Variants in ENPEP observed in about 807,000 individuals in gnomAD.
ENPEP encodes the protein AP-A.
In ENPEP, 103 loss-of-function variants were observed where a neutral mutation model predicts 114.5. That is an observed-to-expected ratio of 0.90 (90% CI 0.77 to 1.06). The LOEUF (loss-of-function observed/expected upper bound fraction) is 1.06. Among genes scored for constraint, ENPEP ranks in the 50% least tolerant of loss-of-function variants. The probability of loss-of-function intolerance (pLI) is 0.00; values close to 1 mark genes in which losing one functional copy is unlikely to be tolerated. For synonymous variants in ENPEP, 420 were observed against 422.0 expected (o/e 1.00, Z 0.06); for missense variants, 1,196 against 1,161.3 (o/e 1.03, Z -0.43).
chr4:110,538,749 G>A lies in ENPEP; in HGVS notation c.1808-4002G>A, dbSNP rs566990410. Reference sequence around the variant, plus strand: ...TCATTTCTATATTTTAATTTAAAGTGAGAGATGTTTAACTCTTACTTTCAT... The same window carrying A: ...TCATTTCTATATTTTAATTTAAAGTAAGAGATGTTTAACTCTTACTTTCAT... On this transcript the variant is annotated intron_variant, in intron 11 of 19. Transcript: ENST00000265162. 2.0e-5 allele frequency among the ~76,000 whole-genome samples: 3 copies of A among 152,284 alleles called. No individual in the cohort carries two copies. The South Asian group carries it at 6.2e-4, about 32-fold the overall frequency.
chr4:110,476,696 G>A lies in ENPEP; in HGVS notation c.282G>A (p.Pro94=), dbSNP rs1399081217. 1.2e-6 allele frequency: 2 copies of A among 1,613,682 alleles called. No homozygotes were observed. Among genetic ancestry groups the A allele is most frequent in the Admixed American group, 3.3e-5 (2 of 60,008 alleles). Residue 94 remains proline, a synonymous_variant, in exon 1 of 20, where the codon CCG becomes CCA. Coordinates refer to ENST00000265162, the MANE Select transcript of ENPEP (RefSeq NM_001977.4). ...GACAGTGGAAAAACTTTCGACTGCC[G>A]GACTTCGTCAACCCAGTCCACTACG... ...ESGQWKNFRL[P]DFVNPVHYDL...
At chr4:110,559,785 A>C (rs1727617484) in intron 19 of ENPEP, 60 bp downstream of exon 19, 1 of 1,413,260 alleles carries the variant, frequency 7.1e-7, no homozygotes, top group Non-Finnish European at 9.9e-7. Context: ...CTTTTTTAAA[A>C]AAAATTTTAC....
rs1178325960 is a variant in ENPEP, at chr4:110,506,678, A to T, written c.960A>T (p.Glu320Asp). The part of the protein sequence containing the change: ...YVQPEQKHTA[E>D]YAANITKSVF... ...AGCCAGAGCAAAAGCACACAGCCGA[A>T]TATGCTGCAAACATAACTAAAAGTG... Residue 320 changes from glutamate (E) to aspartate (D), a missense_variant, in exon 4 of 20, where the codon GAA becomes GAT. Physicochemically the swap from Glu to Asp is conservative, Grantham distance 45. Coordinates refer to ENST00000265162, the MANE Select transcript of ENPEP (RefSeq NM_001977.4). The T allele has an allele frequency of 6.2e-7, 1 of 1,612,734 alleles. No individual in the cohort carries two copies. Among genetic ancestry groups the T allele is most frequent in the Non-Finnish European group, 8.5e-7 (1 of 1,179,308 alleles).
Position 110,565,213 on chromosome 4 carries a change from A to C in ENPEP, c.*3655A>C, listed in dbSNP as rs192630521. 2.6e-3 allele frequency: 399 copies of C among 152,326 alleles called. 1 individual carries two copies. The highest frequency in any genetic ancestry group is 9.0e-3 in the African/African-American group (376 of 41,556). The allele number at this position is 152,326 out of a possible 1,614,324, so 9.4% of individuals were successfully genotyped here. ...TTGAAAAAATCAAAAGGAGAATAAT[A>C]GTTCATGATGTAAAAATTATATAAA... On this transcript the variant is annotated 3_prime_UTR_variant, in exon 20 of 20. Transcript: ENST00000265162.
chr4:110,508,790 A>G (rs1157263197), intron 4 of ENPEP, among the ~76,000 whole-genome samples: 2 of 152,228 alleles, frequency 1.3e-5, no homozygotes, highest in African/African-American at 2.4e-5. Flanking sequence ...CAGTTTGGGC[A>G]ACAGAGCGAG....
At chr4:110,557,131 T>C (rs1727505238) in intron 18 of ENPEP, among the ~76,000 whole-genome samples, 1 of 152,040 alleles carries the variant, frequency 6.6e-6, no homozygotes, top group African/African-American at 2.4e-5. Context: ...GTTTAAGTGA[T>C]AGAGGGGTGG....
intron 11 of ENPEP, among the ~76,000 whole-genome samples, chr4:110,532,670 A>G (rs1222295640): frequency 2.0e-5 from 3 of 152,038 alleles, no homozygotes; most frequent in East Asian, 3.8e-4. Context: ...TTTTACTATT[A>G]CTACAAACTA....
chr4:110,554,601 A>G (rs963978829), intron 18 of ENPEP, among the ~76,000 whole-genome samples: 6 of 152,038 alleles, frequency 3.9e-5, no homozygotes, highest in African/African-American at 1.2e-4. Flanking sequence ...GATTGTTTAA[A>G]TGAAATGCTT....
Position 110,542,862 on chromosome 4 carries a change from C to T in ENPEP, c.1919C>T (p.Ala640Val). Residue 640 changes from alanine to valine, a missense_variant, in exon 12 of 20, where the codon GCT (alanine) becomes GTT (valine). Transcript: ENST00000265162. ...GAAGTAGCAACTTGGGACTCGATAG[C>T]TACAGCGCTCTCCTTGAACCACAAG... is the stretch of plus-strand genomic sequence containing the variant. Reference protein sequence around the residue: ...NYEVATWDSIATALSLNHKTF... With the variant: ...NYEVATWDSIVTALSLNHKTF... 3 of 1,613,098 alleles carry T rather than the reference C, an allele frequency of 1.9e-6. No individual in the cohort carries two copies. Among genetic ancestry groups the T allele is most frequent in the Non-Finnish European group, 2.5e-6 (3 of 1,179,356 alleles).
intron 7 of ENPEP, among the ~76,000 whole-genome samples, chr4:110,514,147 A>G (rs1388295742): frequency 1.3e-5 from 2 of 152,110 alleles, no homozygotes; most frequent in African/African-American, 4.8e-5. Flanking sequence ...TCCTTCAAAC[A>G]TATTCCACAT....
At position 110,509,580 on chromosome 4, in the gene ENPEP, C is replaced by T. The variant is rs1342578450; in HGVS notation, c.1040-73C>T. 2.0e-6 allele frequency: 3 copies of T among 1,509,224 alleles called. No individual in the cohort carries two copies. The Admixed American group carries it at 6.9e-5, about 35-fold the overall frequency. The allele number at this position is 1,509,224 out of a possible 1,614,324, so 93.5% of individuals were successfully genotyped here. A position where few individuals can be genotyped will look rare whatever the true frequency, so the allele number is the denominator to read the frequency against. On this transcript the variant is annotated intron_variant, in intron 4 of 19. Transcript: ENST00000265162. Reference sequence around the variant, plus strand: ...TTTTAAAAAACATTCATCCAAATAACTTAATTTGGTAAGAAAAGCTATGAA... The same window carrying T: ...TTTTAAAAAACATTCATCCAAATAATTTAATTTGGTAAGAAAAGCTATGAA...
chr4:110,504,139 G>A (rs940804035), intron 3 of ENPEP, among the ~76,000 whole-genome samples: 7 of 152,158 alleles, frequency 4.6e-5, no homozygotes, highest in African/African-American at 1.7e-4. Context: ...CTGTAGCAGA[G>A]GGCTTTTCAC....
chr4:110,551,681 A>T (rs916183576), intron 17 of ENPEP, among the ~76,000 whole-genome samples: 2 of 152,180 alleles, frequency 1.3e-5, no homozygotes, highest in Admixed American at 6.5e-5. Context: ...CTGAGTGATG[A>T]GCCAGTGAGA....
intron 14 of ENPEP, 119 bp downstream of exon 14, chr4:110,548,445 C>G: frequency 1.3e-6 from 1 of 779,568 alleles, no homozygotes; most frequent in Non-Finnish European, 1.8e-6. Context: ...CAGGTGGAAT[C>G]AAAAGAAAGT....
At chr4:110,515,595 C>A in intron 8 of ENPEP, 153 bp downstream of exon 8, 1 of 651,858 alleles carries the variant, frequency 1.5e-6, no homozygotes, top group Non-Finnish European at 2.7e-6. Context: ...CATGATTTTA[C>A]ATCCAATTGA....
At chr4:110,541,622 T>C (rs1173802431) in intron 11 of ENPEP, among the ~76,000 whole-genome samples, 1 of 152,108 alleles carries the variant, frequency 6.6e-6, no homozygotes, top group Non-Finnish European at 1.5e-5. Flanking sequence ...AAAATAGACT[T>C]GAGCATGCTA....
Position 110,559,641 on chromosome 4 carries a change from C to G in ENPEP, c.2643-6C>G. ...ACACTTCCTTTTACTCTAAATTTCT[C>G]TCCAGATATACACTCAATAACAGAA... On this transcript the variant is annotated splice_polypyrimidine_tract_variant and splice_region_variant and intron_variant, in intron 18 of 19. Coordinates refer to ENST00000265162, the MANE Select transcript of ENPEP (RefSeq NM_001977.4). 3 of 1,605,708 alleles carry G rather than the reference C, an allele frequency of 1.9e-6. No homozygotes were observed. The highest frequency in any genetic ancestry group is 2.6e-6 in the Non-Finnish European group (3 of 1,172,952).
chr4:110,525,356 A>G (rs2110368141), intron 10 of ENPEP, among the ~76,000 whole-genome samples: 1 of 152,246 alleles, frequency 6.6e-6, no homozygotes, highest in Non-Finnish European at 1.5e-5. Flanking sequence ...CCCCTCCTAG[A>G]GTGGATACTG....
chr4:110,519,208 GA>G, intron 8 of ENPEP: 1 of 413,598 alleles, frequency 2.4e-6, no homozygotes, highest in Admixed American at 2.6e-5. Context: ...TGTCTGAAAA[GA>G]AGAGGAATTT....
Sources: allele counts gnomAD v4.1 joint callset (sites outside exome capture counted in the v4.1 genomes callset), GRCh38; gene constraint gnomAD v4.1.1; transcripts MANE v1.5; gene names NCBI Gene and HGNC (gene_info 2026-07-23, HGNC 2026-07-21).